Variants in ZBTB20 observed in about 807,000 individuals in gnomAD.
ZBTB20 encodes the protein zinc finger and BTB domain containing 20.
ZBTB20 carries 9 observed loss-of-function variants against 56.9 expected under a neutral mutation model. That is an observed-to-expected ratio of 0.16 (90% CI 0.10 to 0.28). The LOEUF (loss-of-function observed/expected upper bound fraction) is 0.28. Ranked by LOEUF, ZBTB20 falls within the 10% of genes least tolerant of loss-of-function variation. The probability of loss-of-function intolerance (pLI) is 1.00; values close to 1 mark genes in which losing one functional copy is unlikely to be tolerated. For missense variants in ZBTB20, 655 were observed against 1,003.0 expected (o/e 0.65, Z 4.69); for synonymous variants, 417 against 420.7 (o/e 0.99, Z 0.11).
At chr3:114,592,974 C>T (rs1478523812) in intron 6 of ZBTB20, among the ~76,000 whole-genome samples, 4 of 152,056 alleles carry the variant, frequency 2.6e-5, no homozygotes, top group South Asian at 4.1e-4. Flanking sequence ...GGGTCCATGA[C>T]GGCTGTTTAA....
chr3:114,477,653 G>A (rs760398170), intron 7 of ZBTB20, among the ~76,000 whole-genome samples: 1 of 151,536 alleles, frequency 6.6e-6, no homozygotes, highest in Non-Finnish European at 1.5e-5. Context: ...CCAACACCAC[G>A]CCTGGCTAAT....
At chr3:114,870,681 A>G (rs75176937) in intron 4 of ZBTB20, among the ~76,000 whole-genome samples, 4,377 of 151,996 alleles carry the variant, frequency 0.029, 146 homozygotes, top group African/African-American at 0.074. Flanking sequence ...AATATATATT[A>G]AAAAGTCAAA....
chr3:114,748,347 T>TCTTTCTC (rs2067268119), intron 5 of ZBTB20, among the ~76,000 whole-genome samples: 1 of 83,964 alleles, frequency 1.2e-5, no homozygotes, highest in African/African-American at 4.2e-5. Flanking sequence ...CTTTCTTTCT[T>TCTTTCTC]TCTTTTCTCT....
intron 4 of ZBTB20, among the ~76,000 whole-genome samples, chr3:114,813,458 T>TA (rs943919066): frequency 9.2e-5 from 14 of 151,962 alleles, no homozygotes; most frequent in South Asian, 2.1e-4. Flanking sequence ...TAATTAACAA[T>TA]AAAAAAAATA....
chr3:114,741,521 T>G (rs2066574588), intron 5 of ZBTB20, among the ~76,000 whole-genome samples: 1 of 152,302 alleles, frequency 6.6e-6, no homozygotes, highest in Non-Finnish European at 1.5e-5. Flanking sequence ...AATAGGCTTA[T>G]GAAATCATTA....
intron 4 of ZBTB20, among the ~76,000 whole-genome samples, chr3:114,842,795 A>G (rs2074441247): frequency 6.6e-6 from 1 of 152,100 alleles, no homozygotes; most frequent in African/African-American, 2.4e-5. Context: ...TTTTCAAAAA[A>G]GAAATCCCAG....
intron 3 of ZBTB20, among the ~76,000 whole-genome samples, chr3:114,916,017 G>A (rs535632830): frequency 1.6e-4 from 24 of 152,028 alleles, no homozygotes; most frequent in African/African-American, 5.6e-4. Context: ...ACAAAAATGC[G>A]TATTTTGCAG....
At chr3:114,473,995 G>C (rs1439318248) in intron 7 of ZBTB20, among the ~76,000 whole-genome samples, 1 of 152,332 alleles carries the variant, frequency 6.6e-6, no homozygotes, top group South Asian at 2.1e-4. Context: ...CATGGCAGAA[G>C]GCAAGGAGGA....
At chr3:115,044,175 G>T (rs536363169) in intron 2 of ZBTB20, among the ~76,000 whole-genome samples, 2 of 152,032 alleles carry the variant, frequency 1.3e-5, no homozygotes, top group Non-Finnish European at 2.9e-5. Context: ...CTTGCTTCAG[G>T]TATTTCTTTA....
rs187806856 is a variant in ZBTB20 at position 114,488,828 on chromosome 3, A to G, written c.-255+11524T>C. Among the ~76,000 whole-genome samples, 276 of 152,330 alleles carry G rather than the reference A, an allele frequency of 1.8e-3. 2 individuals carry two copies. The highest frequency in any genetic ancestry group is 3.3e-3 in the Non-Finnish European group (225 of 68,010). On this transcript the variant is annotated intron_variant, in intron 7 of 11. Transcript: ENST00000675478. ...GTTCCAAATTCCCAACTGTCCATCA[A>G]TAAGTGATTGAGTCAATAAATTATG...
chr3:114,956,624 C>T (rs970549401), intron 3 of ZBTB20, among the ~76,000 whole-genome samples: 7 of 152,108 alleles, frequency 4.6e-5, no homozygotes, highest in Admixed American at 1.3e-4. Context: ...TCAGCAAGTA[C>T]GCATTTACAA....
At chr3:114,917,333 T>C (rs2075784880) in intron 3 of ZBTB20, among the ~76,000 whole-genome samples, 1 of 152,200 alleles carries the variant, frequency 6.6e-6, no homozygotes, top group Admixed American at 6.5e-5. Flanking sequence ...AAGGTCACGT[T>C]ATCTCTGTGT....
intron 1 of ZBTB20, among the ~76,000 whole-genome samples, chr3:115,146,556 G>A (rs2084980953): frequency 6.6e-6 from 1 of 152,182 alleles, no homozygotes; most frequent in Non-Finnish European, 1.5e-5. Flanking sequence ...AAGGAAAGGT[G>A]TGTCTTCCCT....
rs979957626 is a variant in ZBTB20, at chr3:114,915,629, G to T, written c.-455-15287C>A. Among the ~76,000 whole-genome samples the T allele has an allele frequency of 1.5e-4, 23 of 151,484 alleles. No individual in the cohort carries two copies. In the South Asian group the frequency reaches 4.4e-3, roughly 29 times the overall value. ...TATTTATTTAATTCTACCGATTTTG[G>T]GTTTGGTTTACTCTTGCTTCTCTAG... On this transcript the variant is annotated intron_variant, in intron 3 of 11. Transcript: ENST00000675478.
rs115242643 is a variant in ZBTB20, at chr3:115,081,340, A to G, written c.-702-9926T>C. On this transcript the variant is annotated intron_variant, in intron 1 of 11. Coordinates refer to ENST00000675478, the MANE Select transcript of ZBTB20 (RefSeq NM_001348800.3). ...CACAGTAATATAACCAAAACCTAAAAGAGCCTAAAACACACATCTGTAGGG... is the reference window on the plus strand; with the variant it reads ...CACAGTAATATAACCAAAACCTAAAGGAGCCTAAAACACACATCTGTAGGG... Among the ~76,000 whole-genome samples the G allele has an allele frequency of 9.5e-3, 1,443 of 152,240 alleles. 18 individuals are homozygous for G. The highest frequency in any genetic ancestry group is 0.033 in the African/African-American group (1,382 of 41,558).
chr3:114,359,431 G>A lies in ZBTB20; in HGVS notation c.200-7553C>T, dbSNP rs573206817. ...AGACAACATTCTGAAAGACACTTAC[G>A]CCGTCATTCCAAAGTTGAAATGAAA... On this transcript the variant is annotated intron_variant, in intron 10 of 11. Transcript: ENST00000675478. The A allele has an allele frequency of 2.6e-5, 4 of 152,254 alleles. No individual in the cohort carries two copies. The South Asian group carries it at 6.2e-4, about 24-fold the overall frequency. The allele number at this position is 152,254 out of a possible 1,614,324, so 9.4% of individuals were successfully genotyped here.
chr3:114,594,925 A>G (rs1281124918), intron 6 of ZBTB20, among the ~76,000 whole-genome samples: 1 of 152,232 alleles, frequency 6.6e-6, no homozygotes, highest in Non-Finnish European at 1.5e-5. Context: ...CTTCATTAGA[A>G]GCTGTGCATG....
At chr3:114,984,252 T>C (rs989894134) in intron 2 of ZBTB20, among the ~76,000 whole-genome samples, 3 of 152,052 alleles carry the variant, frequency 2.0e-5, no homozygotes, top group African/African-American at 4.8e-5. Context: ...AAATCAATTA[T>C]ACATATATAT....
At chr3:114,744,997 A>AC (rs1179124666) in intron 5 of ZBTB20, among the ~76,000 whole-genome samples, 1 of 152,214 alleles carries the variant, frequency 6.6e-6, no homozygotes, top group Non-Finnish European at 1.5e-5. Context: ...GCAGACAAGC[A>AC]CAAAGGTGAT....
Sources: gnomAD v4.1 joint callset for allele counts (sites outside exome capture counted in the v4.1 genomes callset) on GRCh38, gnomAD v4.1.1 for gene constraint, MANE v1.5 for transcripts, NCBI Gene and HGNC (gene_info 2026-07-23, HGNC 2026-07-21) for gene names.